CCSER1: variants seen among roughly 807,000 people sequenced by gnomAD.
CCSER1 encodes coiled-coil serine rich protein 1.
Under a neutral mutation model 82.0 loss-of-function variants are expected in CCSER1, and 41 were observed. The observed-to-expected ratio is 0.50, with a 90% CI of 0.39 to 0.65. The LOEUF (loss-of-function observed/expected upper bound fraction) is 0.65. Among genes scored for constraint, CCSER1 ranks in the 30% least tolerant of loss-of-function variants. The probability of loss-of-function intolerance (pLI) is 0.00; values close to 1 mark genes in which losing one functional copy is unlikely to be tolerated. For synonymous variants in CCSER1, 414 were observed against 383.9 expected (o/e 1.08, Z -0.92); for missense variants, 1,119 against 1,064.2 (o/e 1.05, Z -0.72).
chr4:91,257,017 G>A (rs1740743501), intron 10 of CCSER1, among the ~76,000 whole-genome samples: 1 of 152,034 alleles, frequency 6.6e-6, no homozygotes, highest in Admixed American at 6.6e-5. Flanking sequence ...ATGAAGACTT[G>A]TCATTATTTT....
In CCSER1 at chr4:90,645,031, G is replaced by A. The variant is rs532421307; in HGVS notation, c.1932+16799G>A. Among the ~76,000 whole-genome samples the A allele has an allele frequency of 1.9e-4, 29 of 150,662 alleles. No homozygotes were observed. In the South Asian group the frequency reaches 2.7e-3, roughly 14 times the overall value. On this transcript the variant is annotated intron_variant, in intron 6 of 10. Coordinates refer to ENST00000509176, the MANE Select transcript of CCSER1 (RefSeq NM_001145065.2). ...CAGGAGGTGGAGGTTGCAGTGAGCCGAGATCATGCCGTTGCACTCCAGCCT... is the reference window on the plus strand; with the variant it reads ...CAGGAGGTGGAGGTTGCAGTGAGCCAAGATCATGCCGTTGCACTCCAGCCT...
At chr4:91,181,703 A>G (rs1254657308) in intron 10 of CCSER1, among the ~76,000 whole-genome samples, 2 of 152,170 alleles carry the variant, frequency 1.3e-5, no homozygotes, top group Non-Finnish European at 2.9e-5. Context: ...TTCCATAGGA[A>G]TTGTTGTGCA....
chr4:90,452,255 C>T (rs966508851), intron 4 of CCSER1, among the ~76,000 whole-genome samples: 31 of 152,078 alleles, frequency 2.0e-4, no homozygotes, highest in African/African-American at 6.8e-4. Flanking sequence ...ACTATCTGTT[C>T]GCAGTCCTGT....
At chr4:91,340,802 C>A (rs17018358) in intron 10 of CCSER1, among the ~76,000 whole-genome samples, 9,309 of 152,168 alleles carry the variant, frequency 0.061, 931 homozygotes, top group African/African-American at 0.21. Flanking sequence ...TATATCAATT[C>A]ACAGTGGGCA....
At chr4:91,326,685 C>T (rs1746585343) in intron 10 of CCSER1, among the ~76,000 whole-genome samples, 1 of 152,066 alleles carries the variant, frequency 6.6e-6, no homozygotes, top group South Asian at 2.1e-4. Flanking sequence ...TATCCAAAGT[C>T]TCATCTGACA....
intron 10 of CCSER1, among the ~76,000 whole-genome samples, chr4:91,152,322 G>T (rs1157945034): frequency 6.6e-6 from 1 of 152,066 alleles, no homozygotes; most frequent in Non-Finnish European, 1.5e-5. Flanking sequence ...TTTTCCATTT[G>T]CTTGGCAGAT....
At chr4:91,287,497 G>A (rs534640839) in intron 10 of CCSER1, among the ~76,000 whole-genome samples, 1 of 152,040 alleles carries the variant, frequency 6.6e-6, no homozygotes, top group South Asian at 2.1e-4. Flanking sequence ...ATAGGACCAA[G>A]CTTCCACAGT....
intron 10 of CCSER1, among the ~76,000 whole-genome samples, chr4:91,518,103 T>C (rs1391610810): frequency 2.6e-5 from 4 of 152,184 alleles, no homozygotes; most frequent in African/African-American, 9.7e-5. Flanking sequence ...CTGCAGATCT[T>C]GGCTTGGCAC....
chr4:90,440,238 C>G (rs1759670747), intron 4 of CCSER1, among the ~76,000 whole-genome samples: 1 of 152,072 alleles, frequency 6.6e-6, no homozygotes, highest in African/African-American at 2.4e-5. Flanking sequence ...TGCCTGGGCT[C>G]AAGGAATCCT....
chr4:90,457,310 AC>A (rs1182933524), intron 4 of CCSER1, among the ~76,000 whole-genome samples: 1 of 152,144 alleles, frequency 6.6e-6, no homozygotes, highest in Non-Finnish European at 1.5e-5. Context: ...AAGAGCCTCA[AC>A]TTTTCTCTCC....
intron 10 of CCSER1, among the ~76,000 whole-genome samples, chr4:91,384,165 A>G (rs1456639494): frequency 2.0e-5 from 3 of 152,118 alleles, no homozygotes; most frequent in Admixed American, 6.6e-5. Flanking sequence ...TAGGATTCCA[A>G]TGAGTCACTG....
chr4:91,225,459 C>T (rs1204060171), intron 10 of CCSER1, among the ~76,000 whole-genome samples: 2 of 146,272 alleles, frequency 1.4e-5, no homozygotes, highest in Non-Finnish European at 3.0e-5. Context: ...AAATTATAAA[C>T]TCAGGTGTAA....
At chr4:90,724,086 C>G in intron 7 of CCSER1, 95 bp downstream of exon 7, 1 of 682,812 alleles carries the variant, frequency 1.5e-6, no homozygotes, top group South Asian at 2.5e-5. Flanking sequence ...AAGTGAACTG[C>G]TTTAATCTTC....
intron 5 of CCSER1, among the ~76,000 whole-genome samples, chr4:90,478,568 T>C (rs1765422014): frequency 6.6e-6 from 1 of 152,172 alleles, no homozygotes; most frequent in Non-Finnish European, 1.5e-5. Flanking sequence ...GGCACCATAC[T>C]GTAATCTAAG....
chr4:90,829,858 T>C (rs956524865), intron 8 of CCSER1, among the ~76,000 whole-genome samples: 4 of 152,130 alleles, frequency 2.6e-5, no homozygotes, highest in African/African-American at 9.7e-5. Context: ...CCTTTTGGAA[T>C]TGAGCACATT....
intron 10 of CCSER1, among the ~76,000 whole-genome samples, chr4:91,295,620 G>C (rs1423685173): frequency 1.3e-5 from 2 of 151,552 alleles, no homozygotes; most frequent in Non-Finnish European, 3.0e-5. Flanking sequence ...AGAAATCTGA[G>C]AGTTATAAAG....
intron 10 of CCSER1, among the ~76,000 whole-genome samples, chr4:91,466,057 G>C (rs1756882455): frequency 6.6e-6 from 1 of 152,072 alleles, no homozygotes; most frequent in Non-Finnish European, 1.5e-5. Flanking sequence ...CAAAAAAAGA[G>C]AATTTTAGAC....
chr4:91,343,918 T>C (rs957204923), intron 10 of CCSER1, among the ~76,000 whole-genome samples: 9 of 152,114 alleles, frequency 5.9e-5, no homozygotes, highest in African/African-American at 2.2e-4. Context: ...AAAATTTGAG[T>C]TTAAGAAATG....
chr4:90,287,002 C>T (rs765863916), intron 1 of CCSER1, among the ~76,000 whole-genome samples: 1 of 151,880 alleles, frequency 6.6e-6, no homozygotes, highest in East Asian at 1.9e-4. Context: ...CCTCAGGTTG[C>T]TGCAGCCAGA....
Sources: gnomAD v4.1 joint callset for allele counts (sites outside exome capture counted in the v4.1 genomes callset) on GRCh38, gnomAD v4.1.1 for gene constraint, MANE v1.5 for transcripts, NCBI Gene and HGNC (gene_info 2026-07-23, HGNC 2026-07-21) for gene names.